PRKAG2: variants seen among roughly 807,000 people sequenced by gnomAD.
PRKAG2 encodes the protein protein kinase AMP-activated non-catalytic subunit gamma 2, also known as 5'-AMP-activated protein kinase subunit gamma-2.
In PRKAG2, 26 loss-of-function variants were observed where a neutral mutation model predicts 69.6. That is an observed-to-expected ratio of 0.37 (90% CI 0.27 to 0.52). PRKAG2 has a LOEUF of 0.52. Among genes scored for constraint, PRKAG2 ranks in the 20% least tolerant of loss-of-function variants. The pLI, the probability that PRKAG2 is intolerant of heterozygous loss-of-function variation, is 0.90. For missense variants in PRKAG2, 557 were observed against 740.0 expected, an observed-to-expected ratio of 0.75 and a Z score of 2.87; for synonymous variants, 293 against 285.0, an observed-to-expected ratio of 1.03 and a Z score of -0.28.
intron 1 of PRKAG2, among the ~76,000 whole-genome samples, chr7:151,863,733 G>C (rs765003205): frequency 1.2e-4 from 18 of 152,256 alleles, no homozygotes; most frequent in Non-Finnish European, 2.1e-4. Flanking sequence ...CTGGCAAGAT[G>C]ATGAAGCCCC....
At chr7:151,689,747 C>A (rs1426765426) in intron 3 of PRKAG2, among the ~76,000 whole-genome samples, 1 of 152,184 alleles carries the variant, frequency 6.6e-6, no homozygotes, top group Admixed American at 6.5e-5. Flanking sequence ...GTTGACTCAA[C>A]ACATCATCTG....
At position 151,632,270 on chromosome 7, in the gene PRKAG2, C is replaced by T. The variant is rs1273301485; in HGVS notation, c.685-132G>A. On this transcript the variant is annotated intron_variant, in intron 4 of 15. Coordinates refer to ENST00000287878, the MANE Select transcript of PRKAG2 (RefSeq NM_016203.4). The surrounding 1 kb of genome is among the most constrained non-coding windows in gnomAD (Gnocchi z 4.2). ...GGGAGGAGGGGCCTGGCAGGGGACG[C>T]GGGCAGCGGGGGCCGGGGGCGGAGC... is the stretch of plus-strand genomic sequence containing the variant. 1 of 1,022,108 alleles carries T rather than the reference C, an allele frequency of 9.8e-7. No individual in the cohort carries two copies. The highest frequency in any genetic ancestry group is 1.7e-5 in the African/African-American group (1 of 57,628). The allele number at this position is 1,022,108 out of a possible 1,614,324, so 63.3% of individuals were successfully genotyped here. A position where few individuals can be genotyped will look rare whatever the true frequency, so the allele number is the denominator to read the frequency against.
chr7:151,727,418 G>A (rs897139550), intron 3 of PRKAG2, among the ~76,000 whole-genome samples: 4 of 152,112 alleles, frequency 2.6e-5, no homozygotes, highest in African/African-American at 4.8e-5. Flanking sequence ...CAGCAGCCAC[G>A]GGAGCCCCGT....
At chr7:151,770,038 C>T (rs984118062) in intron 3 of PRKAG2, among the ~76,000 whole-genome samples, 26 of 152,318 alleles carry the variant, frequency 1.7e-4, no homozygotes, top group African/African-American at 5.5e-4. Flanking sequence ...GTCGGATGTG[C>T]CTCATTACAC....
At chr7:151,729,677 C>T (rs987250450) in intron 3 of PRKAG2, among the ~76,000 whole-genome samples, 16 of 152,148 alleles carry the variant, frequency 1.1e-4, no homozygotes, top group Non-Finnish European at 2.4e-4. Flanking sequence ...CATCTCCTAC[C>T]TGCCAGAGAC....
At position 151,777,821 on chromosome 7, in the gene PRKAG2, A is replaced by G. The variant is rs1433805926; in HGVS notation, c.466+3331T>C. ...CAACTGTTCCTTGCTCAGGGACTGA[A>G]AACCAGCTTTGTGAGATGAATGAAA... On this transcript the variant is annotated intron_variant, in intron 3 of 15. Transcript: ENST00000287878. The surrounding 1 kb of genome is among the most constrained non-coding windows in gnomAD (Gnocchi z 4.3). Among the ~76,000 whole-genome samples the G allele has an allele frequency of 6.6e-6, 1 of 152,196 alleles. No homozygotes were observed. Among genetic ancestry groups the G allele is most frequent in the Non-Finnish European group, 1.5e-5 (1 of 68,034 alleles).
chr7:151,623,441 A>AG (rs1822031552), intron 5 of PRKAG2, among the ~76,000 whole-genome samples: 1 of 150,586 alleles, frequency 6.6e-6, no homozygotes, highest in Non-Finnish European at 1.5e-5. Context: ...AGTTCACAAT[A>AG]GGGTTCGCGC....
Position 151,715,360 on chromosome 7 carries a change from T to A in PRKAG2, c.467-39723A>T, listed in dbSNP as rs1009555258. ...AAAAAAAAAAAAAATTATTATTATT[T>A]TTTTTGAGACAGAGTTCCTGTCTGT... is the stretch of plus-strand genomic sequence containing the variant. On this transcript the variant is annotated intron_variant, in intron 3 of 15. Transcript: ENST00000287878. Among the ~76,000 whole-genome samples, 11 of 147,752 alleles carry A rather than the reference T, an allele frequency of 7.4e-5. No individual in the cohort carries two copies. The South Asian group carries it at 1.7e-3, about 23-fold the overall frequency.
chr7:151,674,502 TG>T (rs1275576968), intron 4 of PRKAG2, among the ~76,000 whole-genome samples: 1 of 152,172 alleles, frequency 6.6e-6, no homozygotes, highest in African/African-American at 2.4e-5. Flanking sequence ...GGAATAATAC[TG>T]GGTACCTGCG....
chr7:151,626,056 C>T (rs1822823834), intron 5 of PRKAG2, among the ~76,000 whole-genome samples: 1 of 152,198 alleles, frequency 6.6e-6, no homozygotes, highest in South Asian at 2.1e-4. Flanking sequence ...ACACATCCAC[C>T]AGGAAGCAGA....
At chr7:151,709,422 C>T (rs1248760192) in intron 3 of PRKAG2, among the ~76,000 whole-genome samples, 1 of 152,082 alleles carries the variant, frequency 6.6e-6, no homozygotes, top group Non-Finnish European at 1.5e-5. Context: ...CTGTTTGTGA[C>T]TGTGTGACCC....
At chr7:151,627,804 A>C (rs1823372455) in intron 5 of PRKAG2, among the ~76,000 whole-genome samples, 1 of 152,148 alleles carries the variant, frequency 6.6e-6, no homozygotes. Flanking sequence ...CCGGAACCAC[A>C]GGCGTGCACC....
rs1057523714 is a variant in PRKAG2, at chr7:151,560,636, G to C, written c.1585-19C>G. On this transcript the variant is annotated intron_variant, in intron 14 of 15. Transcript: ENST00000287878. ...GATGGACCTGCAAAGAGAAAAGCAG[G>C]ACACGTGAAAATTAACATTTAAAAA... 2.5e-6 allele frequency: 4 copies of C among 1,613,794 alleles called. No homozygotes were observed. Among genetic ancestry groups the C allele is most frequent in the Non-Finnish European group, 3.4e-6 (4 of 1,179,716 alleles).
In PRKAG2 at chr7:151,558,449, T is replaced by C. The variant is rs957477042; in HGVS notation, c.1679-1217A>G. The C allele has an allele frequency of 1.6e-5, 16 of 985,106 alleles. No homozygotes were observed. In the African/African-American group the frequency reaches 2.1e-4, roughly 13 times the overall value. The allele number at this position is 985,106 out of a possible 1,614,324, so 61.0% of individuals were successfully genotyped here. On this transcript the variant is annotated intron_variant, in intron 15 of 15. Coordinates refer to ENST00000287878, the MANE Select transcript of PRKAG2 (RefSeq NM_016203.4). ...AACATAGGAGGGAGACGGGCCTGTATCAGCCGGCTCCTTCTCTACTGAAGA... is the reference window on the plus strand; with the variant it reads ...AACATAGGAGGGAGACGGGCCTGTACCAGCCGGCTCCTTCTCTACTGAAGA...
rs753210415 is a variant in PRKAG2 at position 151,876,513 on chromosome 7, G to C, written c.108C>G (p.His36Gln). ...ASQKRRSLRV[H>Q]IPDLSSFAMP... The stretch of plus-strand genomic sequence containing the variant: ...ACCGAGTGCTGGGACTCACCGGAAT[G>C]TGCACGCGCAGCGAACGCCTCTTCT... Residue 36 changes from histidine (H) to glutamine (Q), a missense_variant, in exon 1 of 16, where the codon CAC becomes CAG. Around this residue, in one of 2 missense-constraint regions of PRKAG2, gnomAD observed 352 missense variants for 356.7 expected, o/e 0.99. Transcript: ENST00000287878. 1.2e-6 allele frequency: 2 copies of C among 1,606,260 alleles called. No individual in the cohort carries two copies. The highest frequency in any genetic ancestry group is 2.7e-5 in the African/African-American group (2 of 74,908).
intron 6 of PRKAG2, among the ~76,000 whole-genome samples, chr7:151,576,978 T>G (rs1210924173): frequency 9.7e-6 from 1 of 103,398 alleles, no homozygotes; most frequent in Non-Finnish European, 1.9e-5. Flanking sequence ...ATAATGCAAT[T>G]AACTTCTTTT....
chr7:151,639,174 TC>T (rs1179290890), intron 4 of PRKAG2, among the ~76,000 whole-genome samples: 3 of 152,190 alleles, frequency 2.0e-5, no homozygotes, highest in African/African-American at 7.2e-5. Flanking sequence ...ATGCACTTCA[TC>T]TAAAACTGTG....
At chr7:151,865,618 G>A (rs529461986) in intron 1 of PRKAG2, among the ~76,000 whole-genome samples, 2 of 152,318 alleles carry the variant, frequency 1.3e-5, no homozygotes, top group South Asian at 4.1e-4. Flanking sequence ...TGACAGAGGC[G>A]CCAGGCAGGG....
At chr7:151,839,767 T>C (rs2151884574) in intron 1 of PRKAG2, among the ~76,000 whole-genome samples, 1 of 152,290 alleles carries the variant, frequency 6.6e-6, no homozygotes, top group South Asian at 2.1e-4. Context: ...TGGTCACACC[T>C]GCAATGTCAC....
Sources: allele counts gnomAD v4.1 joint callset (sites outside exome capture counted in the v4.1 genomes callset), GRCh38; gene constraint gnomAD v4.1.1; regional missense constraint gnomAD v4.1.1; non-coding constraint Gnocchi (gnomAD v3.1); transcripts MANE v1.5; gene names NCBI Gene and HGNC (gene_info 2026-07-23, HGNC 2026-07-21).